FOXI1: variants seen among roughly 807,000 people sequenced by gnomAD.
The protein encoded by FOXI1 is forkhead box I1, also known as forkhead box protein I1.
Under a neutral mutation model 16.4 loss-of-function variants are expected in FOXI1, and 11 were observed. The observed-to-expected ratio is 0.67, with a 90% CI of 0.42 to 1.11. FOXI1 has a LOEUF of 1.11. Ranked by LOEUF, FOXI1 falls within the 50% of genes least tolerant of loss-of-function variation. The probability of loss-of-function intolerance (pLI) is 0.00; values close to 1 mark genes in which losing one functional copy is unlikely to be tolerated. For missense variants in FOXI1, 480 were observed against 506.1 expected (o/e 0.95, Z 0.49); for synonymous variants, 218 against 211.5 (o/e 1.03, Z -0.27).
At position 170,106,275 on chromosome 5, in the gene FOXI1, C is replaced by G. The variant is rs114293092; in HGVS notation, c.318C>G (p.Asp106Glu). 822 of 1,581,650 alleles carry G rather than the reference C, an allele frequency of 5.2e-4. 5 individuals are homozygous for G. In the African/African-American group the frequency reaches 9.6e-3, roughly 18 times the overall value. The change falls in exon 1 of 2, where the codon GAC (aspartate) becomes GAG (glutamate). Residue 106 changes from aspartate to glutamate, a missense_variant. By Grantham distance (45) the Asp-to-Glu change is conservative. Transcript: ENST00000306268. ...GCGTGTCGGGGCTTGGGGGGAGCGA[C>G]CTGGGCTGGCTGCCCATCCCCTCGC... ...LPSVSGLGGSDLGWLPIPSQE... is the reference protein window; with the variant it reads ...LPSVSGLGGSELGWLPIPSQE...
In FOXI1 at chr5:170,108,740, A is replaced by G; in HGVS notation, c.*129A>G. 1 of 741,036 alleles carries G rather than the reference A, an allele frequency of 1.3e-6. No homozygotes were observed. The highest frequency in any genetic ancestry group is 2.6e-5 in the East Asian group (1 of 38,452). The allele number at this position is 741,036 out of a possible 1,614,324, so 45.9% of individuals were successfully genotyped here. ...ATAAGCAGGAGCCTCCGAGGAATCCACCCTCTTTCTAGAACACTGGTTAAG... is the reference window on the plus strand; with the variant it reads ...ATAAGCAGGAGCCTCCGAGGAATCCGCCCTCTTTCTAGAACACTGGTTAAG... On this transcript the variant is annotated 3_prime_UTR_variant, in exon 2 of 2. Transcript: ENST00000306268.
At position 170,106,029 on chromosome 5, in the gene FOXI1, G is replaced by GC. The variant is rs776996183; in HGVS notation, c.78dup (p.Glu27ArgfsTer7). ...CCCAGTTCCCCAGCATCGGCCAGGA[G>GC]CCCCCCGAGATGAACCTCTACTATG... is the stretch of plus-strand genomic sequence containing the variant. On this transcript the variant is annotated frameshift_variant, in exon 1 of 2. Transcript: ENST00000306268. LOFTEE classifies it high-confidence loss of function. 4 of 1,612,236 alleles carry GC rather than the reference G, an allele frequency of 2.5e-6. No individual in the cohort carries two copies. Among genetic ancestry groups the GC allele is most frequent in the South Asian group, 2.2e-5 (2 of 90,924 alleles).
In FOXI1 at chr5:170,105,965, C is replaced by T. The variant is rs374176565; in HGVS notation, c.8C>T (p.Ser3Phe). Residue 3 changes from serine to phenylalanine, a missense_variant, in exon 1 of 2, where the codon TCC becomes TTC. Physicochemically the swap from Ser to Phe is radical, Grantham distance 155. This residue lies in a region of FOXI1 where 219 missense variants were observed against 222.9 expected (regional missense o/e 0.98). Coordinates refer to ENST00000306268, the MANE Select transcript of FOXI1 (RefSeq NM_012188.5). MSSFDLPAPSPPR... is the reference protein window; with the variant it reads MSFFDLPAPSPPR... ...GGCCAGCCCAGCCCCAGCATGAGCT[C>T]CTTCGACCTGCCGGCGCCCTCCCCA... The T allele has an allele frequency of 6.2e-6, 10 of 1,609,724 alleles. No individual in the cohort carries two copies. In the African/African-American group the frequency reaches 1.1e-4, roughly 17 times the overall value.
Position 170,108,273 on chromosome 5 carries a change from C to T in FOXI1, c.799C>T (p.Arg267Trp), listed in dbSNP as rs750087966. The stretch of plus-strand genomic sequence containing the variant: ...GGGCACCACCAGCTCCCCAGAGAAG[C>T]GGCCCTCCCCTCCCCCATCAGGCGC... ...PGGTTSSPEKRPSPPPSGAPC... is the reference protein window; with the variant it reads ...PGGTTSSPEKWPSPPPSGAPC... The change falls in exon 2 of 2, where the codon CGG becomes TGG. Residue 267 changes from arginine (R) to tryptophan (W), a missense_variant. By Grantham distance (101) the Arg-to-Trp change is moderately radical (BLOSUM62 -3). Transcript: ENST00000306268. The T allele has an allele frequency of 4.2e-5, 68 of 1,614,000 alleles. No individual in the cohort carries two copies. Among genetic ancestry groups the T allele is most frequent in the East Asian group, 6.7e-5 (3 of 44,884 alleles).
rs572513390 is a variant in FOXI1, at chr5:170,106,603, A to G, written c.574+72A>G. On this transcript the variant is annotated intron_variant, in intron 1 of 1. Coordinates refer to ENST00000306268, the MANE Select transcript of FOXI1 (RefSeq NM_012188.5). ...TCCTTCCTCCCCAAGACCCCATTCT[A>G]GAAAGTTCTGACTAGGGCTGTGCCC... 9.5e-6 allele frequency: 15 copies of G among 1,586,072 alleles called. No homozygotes were observed. In the South Asian group the frequency reaches 1.6e-4, roughly 17 times the overall value.
At position 170,108,335 on chromosome 5, in the gene FOXI1, C is replaced by A; in HGVS notation, c.861C>A (p.Ala287=). ...ACAGCTTCCTTTCCTCTATGACAGCCTATGTGAGCGGGGGGAGCCCCACGA... is the reference window on the plus strand; with the variant it reads ...ACAGCTTCCTTTCCTCTATGACAGCATATGTGAGCGGGGGGAGCCCCACGA... ...CLNSFLSSMT[A]YVSGGSPTSH... is the part of the protein sequence containing the mutation. The change falls in exon 2 of 2, where the codon GCC becomes GCA. Residue 287 remains alanine, a synonymous_variant. Transcript: ENST00000306268. The A allele has an allele frequency of 1.2e-6, 2 of 1,614,200 alleles. No individual in the cohort carries two copies. Among genetic ancestry groups the A allele is most frequent in the Non-Finnish European group, 1.7e-6 (2 of 1,180,036 alleles).
At chr5:170,107,375 A>C (rs1758522308) in intron 1 of FOXI1, among the ~76,000 whole-genome samples, 1 of 152,182 alleles carries the variant, frequency 6.6e-6, no homozygotes, top group Non-Finnish European at 1.5e-5. Context: ...GCCCCATTTG[A>C]GGGTGGCAAA....
Position 170,105,949 on chromosome 5 carries a change from A to C in FOXI1, c.-9A>C, listed in dbSNP as rs1758463196. ...CCAGGCAGGTGGCTCCGGCCAGCCC[A>C]GCCCCAGCATGAGCTCCTTCGACCT... On this transcript the variant is annotated 5_prime_UTR_variant, in exon 1 of 2. Coordinates refer to ENST00000306268, the MANE Select transcript of FOXI1 (RefSeq NM_012188.5). 6.2e-7 allele frequency: 1 copy of C among 1,603,162 alleles called. No individual in the cohort carries two copies. Among genetic ancestry groups the C allele is most frequent in the African/African-American group, 1.3e-5 (1 of 74,734 alleles).
chr5:170,106,271 G>T lies in FOXI1; in HGVS notation c.314G>T (p.Ser105Ile). ...LLPSVSGLGG[S>I]DLGWLPIPSQ... Reference sequence around the variant, plus strand: ...CCCAGCGTGTCGGGGCTTGGGGGGAGCGACCTGGGCTGGCTGCCCATCCCC... The same window carrying T: ...CCCAGCGTGTCGGGGCTTGGGGGGATCGACCTGGGCTGGCTGCCCATCCCC... The change falls in exon 1 of 2, where the codon AGC becomes ATC. Residue 105 changes from serine (S) to isoleucine (I), a missense_variant. By Grantham distance (142) the Ser-to-Ile change is moderately radical (BLOSUM62 -2). Around this residue, in one of 3 missense-constraint regions of FOXI1, gnomAD observed 219 missense variants for 222.9 expected, o/e 0.98. Coordinates refer to ENST00000306268, the MANE Select transcript of FOXI1 (RefSeq NM_012188.5). 6.3e-7 allele frequency: 1 copy of T among 1,579,940 alleles called. No individual in the cohort carries two copies. The highest frequency in any genetic ancestry group is 2.4e-5 in the East Asian group (1 of 42,366).
At chr5:170,107,688 C>T (rs762564845) in intron 1 of FOXI1, among the ~76,000 whole-genome samples, 8 of 152,240 alleles carry the variant, frequency 5.3e-5, no homozygotes, top group Non-Finnish European at 1.2e-4. Context: ...TAGGGAGTCC[C>T]AGAGTTTTCC....
Position 170,106,503 on chromosome 5 carries a change from G to A in FOXI1, c.546G>A (p.Lys182=). 3 of 1,614,282 alleles carry A rather than the reference G, an allele frequency of 1.9e-6. No homozygotes were observed. The highest frequency in any genetic ancestry group is 2.5e-6 in the Non-Finnish European group (3 of 1,180,056). ...RHNLSLNDCF[K]KVPRDEDDPG... ...ACCTGTCGCTCAACGACTGCTTCAAGAAGGTGCCCCGCGACGAGGACGACC... is the reference window on the plus strand; with the variant it reads ...ACCTGTCGCTCAACGACTGCTTCAAAAAGGTGCCCCGCGACGAGGACGACC... Residue 182 remains lysine (K), a synonymous_variant, in exon 1 of 2, where the codon AAG becomes AAA. Coordinates refer to ENST00000306268, the MANE Select transcript of FOXI1 (RefSeq NM_012188.5).
rs1234606519 is a variant in FOXI1 at position 170,108,260 on chromosome 5, C to G, written c.786C>G (p.Ser262Arg). 18 of 1,614,016 alleles carry G rather than the reference C, an allele frequency of 1.1e-5. No homozygotes were observed. The highest frequency in any genetic ancestry group is 1.5e-5 in the Non-Finnish European group (18 of 1,179,978). Residue 262 changes from serine (S) to arginine (R), a missense_variant, in exon 2 of 2, where the codon AGC becomes AGG. Coordinates refer to ENST00000306268, the MANE Select transcript of FOXI1 (RefSeq NM_012188.5). Reference sequence around the variant, plus strand: ...GAGCCTCACCAGGGGGCACCACCAGCTCCCCAGAGAAGCGGCCCTCCCCTC... The same window carrying G: ...GAGCCTCACCAGGGGGCACCACCAGGTCCCCAGAGAAGCGGCCCTCCCCTC... Reference protein sequence around the residue: ...LDGASPGGTTSSPEKRPSPPP... With the variant: ...LDGASPGGTTRSPEKRPSPPP...
chr5:170,109,224 C>A lies in FOXI1; in HGVS notation c.*613C>A. 1 of 152,946 alleles carries A rather than the reference C, an allele frequency of 6.5e-6. No homozygotes were observed. The allele number at this position is 152,946 out of a possible 1,614,324, so 9.5% of individuals were successfully genotyped here. A position where few individuals can be genotyped will look rare whatever the true frequency, so the allele number is the denominator to read the frequency against. On this transcript the variant is annotated 3_prime_UTR_variant, in exon 2 of 2. Coordinates refer to ENST00000306268, the MANE Select transcript of FOXI1 (RefSeq NM_012188.5). The stretch of plus-strand genomic sequence containing the variant: ...TTGCCCCAACTTACCTGCAGACACT[C>A]CTTTTGCTACCACTCAAGGAAGGAA...
chr5:170,107,743 C>T (rs1265456994), intron 1 of FOXI1, among the ~76,000 whole-genome samples: 1 of 152,218 alleles, frequency 6.6e-6, no homozygotes, highest in East Asian at 1.9e-4. Flanking sequence ...CAACCCCCAA[C>T]CCCCAAATCC....
intron 1 of FOXI1, 90 bp from the exon 2 acceptor site, chr5:170,107,959 A>C: frequency 9.9e-7 from 1 of 1,009,582 alleles, no homozygotes; most frequent in East Asian, 2.4e-5. Flanking sequence ...TGCATCTGTC[A>C]CCTTGGCTTT....
At chr5:170,106,568 A>AGTGTGGGG in intron 1 of FOXI1, 37 bp downstream of exon 1, 1 of 1,612,790 alleles carries the variant, frequency 6.2e-7, no homozygotes. Flanking sequence ...GTCCCCAAGG[A>AGTGTGGGG]AGACTCACTT....
chr5:170,108,802 C>A lies in FOXI1; in HGVS notation c.*191C>A. On this transcript the variant is annotated 3_prime_UTR_variant, in exon 2 of 2. Coordinates refer to ENST00000306268, the MANE Select transcript of FOXI1 (RefSeq NM_012188.5). ...TCACACATAGGCCCACACACAGACT[C>A]ACCAACTTTGCAATAGAAATACTGG... 1.6e-6 allele frequency: 1 copy of A among 614,070 alleles called. No individual in the cohort carries two copies. The highest frequency in any genetic ancestry group is 2.8e-5 in the Admixed American group (1 of 36,068). The allele number at this position is 614,070 out of a possible 1,614,324, so 38.0% of individuals were successfully genotyped here.
chr5:170,106,346 C>T lies in FOXI1; in HGVS notation c.389C>T (p.Ala130Val). The change falls in exon 1 of 2, where the codon GCT becomes GTT. Residue 130 changes from alanine to valine, a missense_variant. Ala to Val is a moderately conservative substitution (Grantham distance 64, BLOSUM62 0). Coordinates refer to ENST00000306268, the MANE Select transcript of FOXI1 (RefSeq NM_012188.5). ...KLVRPPYSYS[A>V]LIAMAIHGAP... ...GTGCGGCCACCCTATTCCTACTCGG[C>T]TCTCATCGCCATGGCCATCCACGGG... is the stretch of plus-strand genomic sequence containing the variant. 1 of 1,610,008 alleles carries T rather than the reference C, an allele frequency of 6.2e-7. No homozygotes were observed. The highest frequency in any genetic ancestry group is 1.1e-5 in the South Asian group (1 of 90,582).
intron 1 of FOXI1, chr5:170,106,869 T>C (rs770524258): frequency 4.6e-6 from 2 of 430,182 alleles, no homozygotes; most frequent in Non-Finnish European, 6.2e-6. Flanking sequence ...TTAGGTGTTA[T>C]CAAGCGCTTA....
Sources: gnomAD v4.1 joint callset for allele counts (sites outside exome capture counted in the v4.1 genomes callset) on GRCh38, gnomAD v4.1.1 for gene constraint, gnomAD v4.1.1 regional missense constraint, MANE v1.5 for transcripts, NCBI Gene and HGNC (gene_info 2026-07-23, HGNC 2026-07-21) for gene names.